The following CALN1 variants were observed in gnomAD, a reference collection of about 807,000 sequenced individuals.
The protein encoded by CALN1 is calcium-binding protein 8.
A neutral mutation model predicts 30.6 loss-of-function variants in CALN1; 17 were observed. That is an observed-to-expected ratio of 0.56 (90% CI 0.38 to 0.83). The LOEUF (loss-of-function observed/expected upper bound fraction) is 0.83, where lower values mean the gene tolerates loss of function less well. Ranked by LOEUF, CALN1 falls within the 40% of genes least tolerant of loss-of-function variation. The pLI is 0.00. For missense variants in CALN1, 291 were observed against 354.9 expected, an observed-to-expected ratio of 0.82 and a Z score of 1.45; for synonymous variants, 156 against 131.4, an observed-to-expected ratio of 1.19 and a Z score of -1.28.
At chr7:72,088,788 A>G (rs1805661416) in intron 4 of CALN1, among the ~76,000 whole-genome samples, 1 of 150,974 alleles carries the variant, frequency 6.6e-6, no homozygotes, top group Non-Finnish European at 1.5e-5. Flanking sequence ...AAGGAAGGGA[A>G]GGAAGGAAGG....
At chr7:72,355,137 T>C (rs910879364) in intron 2 of CALN1, among the ~76,000 whole-genome samples, 4 of 151,996 alleles carry the variant, frequency 2.6e-5, no homozygotes, top group African/African-American at 7.2e-5. Flanking sequence ...CAAACTCCCA[T>C]GCTCAAGTGA....
intron 1 of CALN1, among the ~76,000 whole-genome samples, chr7:72,443,474 T>A (rs1437785442): frequency 6.6e-6 from 1 of 152,198 alleles, no homozygotes; most frequent in Non-Finnish European, 1.5e-5. Flanking sequence ...CTTCTTCTTT[T>A]ATCACATTGC....
chr7:71,941,184 T>TAA (rs557707634), intron 5 of CALN1, among the ~76,000 whole-genome samples: 1 of 149,742 alleles, frequency 6.7e-6, no homozygotes, highest in African/African-American at 2.4e-5. Flanking sequence ...CCATCTCTAC[T>TAA]AAAAAAAATA....
At chr7:72,328,084 A>G (rs1019629474) in intron 2 of CALN1, among the ~76,000 whole-genome samples, 1 of 151,934 alleles carries the variant, frequency 6.6e-6, no homozygotes. Context: ...AGTTCTATGT[A>G]ACATTTCTGT....
chr7:72,062,056 C>A (rs1371205935), intron 4 of CALN1, among the ~76,000 whole-genome samples: 4 of 152,028 alleles, frequency 2.6e-5, no homozygotes, highest in African/African-American at 9.7e-5. Context: ...TGTTAAAGAG[C>A]CAAGAGATAA....
intron 3 of CALN1, among the ~76,000 whole-genome samples, chr7:72,157,736 AGTTT>A (rs573723675): frequency 1.5e-3 from 232 of 151,918 alleles, no homozygotes; most frequent in African/African-American, 2.5e-3. Flanking sequence ...TTAGTCAGTT[AGTTT>A]GTTTGTTTGT....
chr7:71,839,486 TG>T (rs1452222281), intron 5 of CALN1, among the ~76,000 whole-genome samples: 1 of 152,188 alleles, frequency 6.6e-6, no homozygotes, highest in Non-Finnish European at 1.5e-5. Context: ...GAGCCGAGAT[TG>T]CACCACTGCA....
chr7:72,101,419 G>A (rs886181073), intron 4 of CALN1, among the ~76,000 whole-genome samples: 1 of 152,136 alleles, frequency 6.6e-6, no homozygotes, highest in Admixed American at 6.5e-5. Context: ...GCTGTAAAAG[G>A]TGTGCTTTGC....
chr7:72,158,393 G>C (rs1261971299), intron 3 of CALN1, among the ~76,000 whole-genome samples: 1 of 152,188 alleles, frequency 6.6e-6, no homozygotes, highest in Non-Finnish European at 1.5e-5. Context: ...GTTTGCATGA[G>C]GCAGATCATA....
intron 4 of CALN1, among the ~76,000 whole-genome samples, chr7:72,043,315 C>T (rs950709920): frequency 6.6e-6 from 1 of 152,174 alleles, no homozygotes; most frequent in Non-Finnish European, 1.5e-5. Context: ...TCATTGCCTT[C>T]AGCAGTCCAG....
chr7:72,288,604 C>CA, intron 2 of CALN1, among the ~76,000 whole-genome samples: 1 of 152,290 alleles, frequency 6.6e-6, no homozygotes, highest in South Asian at 2.1e-4. Context: ...AGGAGTGTGT[C>CA]AATTTCCCCG....
chr7:71,910,942 G>A (rs1363031932), intron 5 of CALN1, among the ~76,000 whole-genome samples: 1 of 152,154 alleles, frequency 6.6e-6, no homozygotes, highest in Non-Finnish European at 1.5e-5. Flanking sequence ...ACGCCCAACA[G>A]AAGCAATTTG....
intron 4 of CALN1, among the ~76,000 whole-genome samples, chr7:72,055,794 T>C (rs188434510): frequency 6.6e-6 from 1 of 152,260 alleles, no homozygotes; most frequent in East Asian, 1.9e-4. Context: ...TGAGGATTGC[T>C]TGAGGCTAGA....
At chr7:72,442,496 G>A (rs966595552) in intron 1 of CALN1, among the ~76,000 whole-genome samples, 2 of 152,156 alleles carry the variant, frequency 1.3e-5, no homozygotes, top group Admixed American at 6.5e-5. Context: ...CTTTATTAAA[G>A]ATTGCACTTA....
intron 3 of CALN1, among the ~76,000 whole-genome samples, chr7:72,136,157 A>AAATAAATAAATAAATAAATG: frequency 6.6e-6 from 1 of 151,724 alleles, no homozygotes; most frequent in African/African-American, 2.4e-5. Flanking sequence ...ATAAATAAAT[A>AAATAAATAAATAAATAAATG]AATAAATAAA....
At chr7:71,914,247 CTG>C (rs1357020163) in intron 5 of CALN1, among the ~76,000 whole-genome samples, 2 of 152,178 alleles carry the variant, frequency 1.3e-5, no homozygotes, top group South Asian at 2.1e-4. Context: ...TTGTTCTCCA[CTG>C]TGTGTCCACG....
At chr7:72,330,694 T>A (rs1158674368) in intron 2 of CALN1, among the ~76,000 whole-genome samples, 3 of 152,214 alleles carry the variant, frequency 2.0e-5, no homozygotes, top group Non-Finnish European at 4.4e-5. Context: ...GAAAGCATTT[T>A]CAAAGAATCC....
chr7:72,096,328 A>G (rs1191923633), intron 4 of CALN1, among the ~76,000 whole-genome samples: 1 of 152,178 alleles, frequency 6.6e-6, no homozygotes, highest in African/African-American at 2.4e-5. Context: ...CAGGTTTTCA[A>G]GGGAAAAACT....
At chr7:71,905,499 A>T (rs1408432259) in intron 5 of CALN1, among the ~76,000 whole-genome samples, 1 of 152,064 alleles carries the variant, frequency 6.6e-6, no homozygotes, top group African/African-American at 2.4e-5. Context: ...TGTAGTCCAA[A>T]AAGATCAGGG....
Sources: allele counts gnomAD v4.1 joint callset (sites outside exome capture counted in the v4.1 genomes callset), GRCh38; gene constraint gnomAD v4.1.1; transcripts MANE v1.5; gene names NCBI Gene and HGNC (gene_info 2026-07-23, HGNC 2026-07-21).